AMY2B: variants seen among roughly 807,000 people sequenced by gnomAD.
The protein encoded by AMY2B is alpha-amylase 2B.
Under a neutral mutation model 59.3 loss-of-function variants are expected in AMY2B, and 63 were observed. The ratio of observed to expected loss-of-function variants is 1.06; its 90% confidence interval spans 0.87 to 1.31. The LOEUF (loss-of-function observed/expected upper bound fraction) is 1.31. Ranked by LOEUF, AMY2B falls within the 50% of genes most tolerant of loss-of-function variation. AMY2B has a pLI of 0.00. For synonymous variants in AMY2B, 180 were observed against 198.1 expected, an observed-to-expected ratio of 0.91 and a Z score of 0.77; for missense variants, 635 against 626.7, an observed-to-expected ratio of 1.01 and a Z score of -0.14.
intron 7 of AMY2B, among the ~76,000 whole-genome samples, chr1:103,577,182 GAGC>G (rs1323352921): frequency 6.6e-6 from 1 of 152,132 alleles, no homozygotes; most frequent in African/African-American, 2.4e-5. Context: ...AGGCTGCAGT[GAGC>G]TATGATTATG....
chr1:103,561,160 C>A (rs187078134), intron 1 of AMY2B, among the ~76,000 whole-genome samples: 5 of 152,086 alleles, frequency 3.3e-5, no homozygotes, highest in South Asian at 2.1e-4. Flanking sequence ...TAATTGAGAA[C>A]CTAGTATGAA....
At position 103,576,749 on chromosome 1, in the gene AMY2B, A is replaced by T. The variant is rs78971689; in HGVS notation, c.1102-741A>T. On this transcript the variant is annotated intron_variant, in intron 7 of 9. Coordinates refer to ENST00000684275, the MANE Select transcript of AMY2B (RefSeq NM_001387437.1). ...TGTCACGTTCAAGGCATTTTCACAT[A>T]TATTACTTAATTTTTATAGCAAAAA... Among the ~76,000 whole-genome samples the T allele has an allele frequency of 3.8e-3, 585 of 152,330 alleles. 1 individual carries two copies. Among genetic ancestry groups the T allele is most frequent in the Non-Finnish European group, 6.7e-3 (454 of 68,028 alleles).
At chr1:103,571,968 C>G (rs1652150678) in intron 1 of AMY2B, 142 bp from the exon 2 acceptor site, 2 of 1,535,798 alleles carry the variant, frequency 1.3e-6, no homozygotes, top group Non-Finnish European at 1.8e-6. Flanking sequence ...TCAACAAGAG[C>G]CCTCCAATGT....
chr1:103,570,171 G>T (rs1652063841), upstream of AMY2B: 3 of 468,738 alleles, frequency 6.4e-6, no homozygotes, highest in Non-Finnish European at 1.3e-5. Context: ...CCGAGCGGGA[G>T]ATCAGACACT....
intron 1 of AMY2B, among the ~76,000 whole-genome samples, chr1:103,563,766 T>C (rs1651814922): frequency 6.6e-6 from 1 of 152,174 alleles, no homozygotes; most frequent in Non-Finnish European, 1.5e-5. Flanking sequence ...ACAGAGTTCA[T>C]TGATCTGGCA....
chr1:103,570,523 A>T, upstream of AMY2B: 1 of 622,130 alleles, frequency 1.6e-6, no homozygotes, highest in Non-Finnish European at 3.1e-6. Context: ...AGCACCATGA[A>T]GATCAAGATG....
intron 9 of AMY2B, 61 bp downstream of exon 9, chr1:103,577,906 T>G: frequency 1.3e-6 from 2 of 1,588,850 alleles, no homozygotes; most frequent in Non-Finnish European, 1.7e-6. Context: ...TTATTCCTTT[T>G]TTTCTGTTCA....
At chr1:103,577,354 A>G (rs1277929727) in intron 7 of AMY2B, 136 bp from the exon 8 acceptor site, 34 of 1,493,660 alleles carry the variant, frequency 2.3e-5, no homozygotes, top group Non-Finnish European at 3.0e-5. Flanking sequence ...TATAAAAATT[A>G]TTGAAGGCAT....
intron 4 of AMY2B, 82 bp downstream of exon 4, chr1:103,574,020 T>G: frequency 6.2e-7 from 1 of 1,606,754 alleles, no homozygotes; most frequent in Non-Finnish European, 8.5e-7. Context: ...ATGCAATTTC[T>G]ATAGGATAAG....
upstream of AMY2B, chr1:103,571,230 G>A: frequency 1.5e-6 from 1 of 667,220 alleles, no homozygotes; most frequent in Non-Finnish European, 2.1e-6. Context: ...ACCTATAAAT[G>A]TATTCATCCT....
Position 103,572,122 on chromosome 1 carries a change from A to G in AMY2B, c.181A>G (p.Asn61Asp). The G allele has an allele frequency of 6.2e-7, 1 of 1,611,674 alleles. No homozygotes were observed. Among genetic ancestry groups the G allele is most frequent in the African/African-American group, 1.3e-5 (1 of 74,960 alleles). The part of the protein sequence containing the change: ...GFGGVQVSPP[N>D]ENVAIHNPFR... Reference sequence around the variant, plus strand: ...GTTTAATTTGTAGGTCTCTCCACCAAATGAAAATGTTGCAATTCACAACCC... The same window carrying G: ...GTTTAATTTGTAGGTCTCTCCACCAGATGAAAATGTTGCAATTCACAACCC... Residue 61 changes from asparagine to aspartate, a missense_variant, in exon 2 of 10, where the codon AAT (asparagine) becomes GAT (aspartate). Coordinates refer to ENST00000684275, the MANE Select transcript of AMY2B (RefSeq NM_001387437.1).
chr1:103,559,526 G>A (rs1160791354), intron 1 of AMY2B, among the ~76,000 whole-genome samples: 1 of 152,120 alleles, frequency 6.6e-6, no homozygotes, highest in Non-Finnish European at 1.5e-5. Flanking sequence ...CAGCATTCAT[G>A]ATTACTTAGA....
At chr1:103,574,178 TC>T (rs1422614734) in intron 4 of AMY2B, 81 bp from the exon 5 acceptor site, 2 of 1,577,818 alleles carry the variant, frequency 1.3e-6, no homozygotes, top group Admixed American at 3.7e-5. Flanking sequence ...CTTAAAGCTA[TC>T]TTTTATATAA....
At chr1:103,570,204 T>A (rs1338798317), upstream of AMY2B, 1 of 504,020 alleles carries the variant, frequency 2.0e-6, no homozygotes, top group Non-Finnish European at 4.0e-6. Context: ...AACTGTGCTA[T>A]GTTGCCCTGG....
upstream of AMY2B, chr1:103,570,566 G>T: frequency 1.7e-6 from 1 of 601,042 alleles, no homozygotes. Flanking sequence ...ACTCCGTGTG[G>T]ATCAGCGGCT....
intron 1 of AMY2B, chr1:103,555,250 A>AT (rs921378591): frequency 6.6e-6 from 1 of 151,834 alleles, no homozygotes; most frequent in African/African-American, 2.4e-5. Context: ...TAGTGTTTGT[A>AT]TTTTTTCTTT....
At chr1:103,571,588 C>T (rs766752680), upstream of AMY2B, 4 of 1,610,066 alleles carry the variant, frequency 2.5e-6, no homozygotes, top group African/African-American at 1.3e-5. Flanking sequence ...AGGACACTGA[C>T]AACTTCAAAG....
At chr1:103,568,423 C>T (rs940903825), upstream of AMY2B, 1 of 152,162 alleles carries the variant, frequency 6.6e-6, no homozygotes, top group Non-Finnish European at 1.5e-5. Context: ...CTACTATATG[C>T]ACTATATTAA....
At chr1:103,571,502 G>C, upstream of AMY2B, 2 of 1,572,766 alleles carry the variant, frequency 1.3e-6, no homozygotes, top group Non-Finnish European at 1.7e-6. Context: ...TAAACAGTTT[G>C]CCCTCAAGTA....
Sources: gnomAD v4.1 joint callset for allele counts (sites outside exome capture counted in the v4.1 genomes callset) on GRCh38, gnomAD v4.1.1 for gene constraint, MANE v1.5 for transcripts, NCBI Gene and HGNC (gene_info 2026-07-23, HGNC 2026-07-21) for gene names.